ELAPOR2: variants seen among roughly 807,000 people sequenced by gnomAD.
ELAPOR2 encodes the protein endosome/lysosome-associated apoptosis and autophagy regulator family member 2.
In ELAPOR2, 89 loss-of-function variants were observed where a neutral mutation model predicts 120.7. That is an observed-to-expected ratio of 0.74 (90% CI 0.62 to 0.88). ELAPOR2 has a LOEUF of 0.88. Among genes scored for constraint, ELAPOR2 ranks in the 40% least tolerant of loss-of-function variants. ELAPOR2 has a pLI of 0.00. For missense variants in ELAPOR2, 1,134 were observed against 1,251.6 expected, an observed-to-expected ratio of 0.91 and a Z score of 1.42; for synonymous variants, 444 against 444.9, an observed-to-expected ratio of 1.00 and a Z score of 0.03.
chr7:86,918,106 T>C (rs1044017646), intron 12 of ELAPOR2, among the ~76,000 whole-genome samples: 29 of 152,108 alleles, frequency 1.9e-4, no homozygotes, highest in African/African-American at 7.0e-4. Flanking sequence ...AATAGCTGAA[T>C]GGTTATCAGG....
At chr7:86,919,499 C>A (rs1789725278) in intron 10 of ELAPOR2, among the ~76,000 whole-genome samples, 189 bp from the exon 11 acceptor site, 1 of 152,000 alleles carries the variant, frequency 6.6e-6, no homozygotes, top group Non-Finnish European at 1.5e-5. Context: ...CAAGAGGAAC[C>A]AAGCAATGCA....
chr7:87,051,762 A>T (rs11761343), intron 1 of ELAPOR2, among the ~76,000 whole-genome samples: 86,462 of 152,090 alleles, frequency 0.57, 25,267 homozygotes, highest in East Asian at 0.76. Flanking sequence ...AGTAGCAAAC[A>T]TTGGAAAACA....
At chr7:86,962,133 C>A (rs552139580) in intron 2 of ELAPOR2, among the ~76,000 whole-genome samples, 2 of 152,154 alleles carry the variant, frequency 1.3e-5, no homozygotes, top group Non-Finnish European at 2.9e-5. Context: ...AGCCTTGCAG[C>A]CAGATCTTAT....
chr7:86,912,906 T>C, intron 14 of ELAPOR2, 35 bp downstream of exon 14: 1 of 1,604,120 alleles, frequency 6.2e-7, no homozygotes, highest in African/African-American at 1.3e-5. Flanking sequence ...TAAAATGTGC[T>C]TTCATGGGGA....
At chr7:86,980,666 C>A (rs1272104040) in intron 1 of ELAPOR2, among the ~76,000 whole-genome samples, 1 of 152,074 alleles carries the variant, frequency 6.6e-6, no homozygotes, top group Non-Finnish European at 1.5e-5. Context: ...AGCATGCCTC[C>A]TTCCTGTGGG....
intron 9 of ELAPOR2, among the ~76,000 whole-genome samples, chr7:86,926,068 G>T (rs903794861): frequency 6.6e-6 from 1 of 151,862 alleles, no homozygotes; most frequent in Non-Finnish European, 1.5e-5. Context: ...TCTTCCTATT[G>T]GTTATTCAAC....
chr7:86,912,164 T>C lies in ELAPOR2; in HGVS notation c.2077A>G (p.Ser693Gly). The C allele has an allele frequency of 1.2e-6, 2 of 1,612,934 alleles. No individual in the cohort carries two copies. The highest frequency in any genetic ancestry group is 1.1e-5 in the South Asian group (1 of 91,020). Reference sequence around the variant, plus strand: ...CCATTCATTAATGAGCCCACACTGCTGAGGTTGCTAAAGTCATAGTGCAAA... The same window carrying C: ...CCATTCATTAATGAGCCCACACTGCCGAGGTTGCTAAAGTCATAGTGCAAA... ...QSLHYDFSNLSSVGSLMNGPS... is the reference protein window; with the variant it reads ...QSLHYDFSNLGSVGSLMNGPS... Residue 693 changes from serine (S) to glycine (G), a missense_variant, in exon 15 of 22, where the codon AGC becomes GGC. Coordinates refer to ENST00000450689, the MANE Select transcript of ELAPOR2 (RefSeq NM_001142749.3).
chr7:86,892,982 C>T lies in ELAPOR2; in HGVS notation c.2804G>A (p.Gly935Glu). The T allele has an allele frequency of 6.4e-7, 1 of 1,574,486 alleles. No homozygotes were observed. The highest frequency in any genetic ancestry group is 8.6e-7 in the Non-Finnish European group (1 of 1,167,502). ...CACCAGCAAAACGGCAGTAAAAGCTCCCACACCGGCTCCCACCTTCAGCCA... is the reference window on the plus strand; with the variant it reads ...CACCAGCAAAACGGCAGTAAAAGCTTCCACACCGGCTCCCACCTTCAGCCA... ...DFWLKVGAGV[G>E]AFTAVLLVAL... The change falls in exon 20 of 22, where the codon GGA becomes GAA. Residue 935 changes from glycine (G) to glutamate (E), a missense_variant. This residue lies in a region of ELAPOR2 where 831 missense variants were observed against 867.6 expected (regional missense o/e 0.96). Coordinates refer to ENST00000450689, the MANE Select transcript of ELAPOR2 (RefSeq NM_001142749.3).
In ELAPOR2 at chr7:86,879,776, T is replaced by A. The variant is rs1170346218; in HGVS notation, c.*695A>T. 1 of 152,208 alleles carries A rather than the reference T, an allele frequency of 6.6e-6. No individual in the cohort carries two copies. Among genetic ancestry groups the A allele is most frequent in the African/African-American group, 2.4e-5 (1 of 41,450 alleles). 9.4% of individuals were successfully genotyped at this position (152,208 alleles called of 1,614,324 possible). ...AGGGCTTCTCGTTACCTTTCTTACT[T>A]TTTTGTTTTTTAGATTCCTTCAAAC... On this transcript the variant is annotated 3_prime_UTR_variant, in exon 22 of 22. Transcript: ENST00000450689.
At chr7:87,010,137 G>A (rs947622101) in intron 1 of ELAPOR2, among the ~76,000 whole-genome samples, 1 of 152,180 alleles carries the variant, frequency 6.6e-6, no homozygotes, top group Non-Finnish European at 1.5e-5. Flanking sequence ...CAAAGCTTCA[G>A]TCTACAACTG....
In ELAPOR2 at chr7:86,891,781, T is replaced by C; in HGVS notation, c.2973A>G (p.Glu991=). ...AIMEGEDNEE[E]VVYSNKQSLL... ...GTGACTGTTTATTGGAATATACAAC[T>C]TCCTCTTCATTATCTTCTCCTTCCA... The change falls in exon 21 of 22, where the codon GAA becomes GAG. Residue 991 remains glutamate (E), a synonymous_variant. Transcript: ENST00000450689. 6.2e-7 allele frequency: 1 copy of C among 1,612,172 alleles called. No homozygotes were observed. Among genetic ancestry groups the C allele is most frequent in the South Asian group, 1.1e-5 (1 of 90,978 alleles).
chr7:87,019,446 G>A (rs144615560), intron 1 of ELAPOR2, among the ~76,000 whole-genome samples: 57 of 152,276 alleles, frequency 3.7e-4, no homozygotes, highest in African/African-American at 1.3e-3. Context: ...TTAAAGGAAT[G>A]AGCCACGATG....
intron 21 of ELAPOR2, among the ~76,000 whole-genome samples, chr7:86,888,256 T>C (rs936586173): frequency 1.3e-5 from 2 of 152,090 alleles, no homozygotes; most frequent in Admixed American, 1.3e-4. Context: ...TGCACATGAA[T>C]GTTCTGGATA....
chr7:86,890,566 G>T (rs1788097070), intron 21 of ELAPOR2, among the ~76,000 whole-genome samples: 1 of 151,944 alleles, frequency 6.6e-6, no homozygotes, highest in South Asian at 2.1e-4. Flanking sequence ...CTGGTATAAA[G>T]GTTATTACTC....
chr7:86,880,299 G>C lies in ELAPOR2; in HGVS notation c.*172C>G. ...CTTTCCTTTATTTGGCAAGGTACTT[G>C]ACCATGTGATAAGGCAATCAAATGT... On this transcript the variant is annotated 3_prime_UTR_variant, in exon 22 of 22. Transcript: ENST00000450689. The C allele has an allele frequency of 1.6e-6, 1 of 644,752 alleles. No homozygotes were observed. The highest frequency in any genetic ancestry group is 2.8e-6 in the Non-Finnish European group (1 of 363,012). 39.9% of individuals were successfully genotyped at this position (644,752 alleles called of 1,614,324 possible).
At chr7:87,044,652 C>T (rs191671477) in intron 1 of ELAPOR2, among the ~76,000 whole-genome samples, 2 of 152,076 alleles carry the variant, frequency 1.3e-5, no homozygotes, top group Admixed American at 1.3e-4. Flanking sequence ...ACCATAAAAA[C>T]CCTAGAAGAA....
At position 86,913,033 on chromosome 7, in the gene ELAPOR2, T is replaced by A; in HGVS notation, c.1903A>T (p.Lys635Ter). 1 of 1,614,102 alleles carries A rather than the reference T, an allele frequency of 6.2e-7. No individual in the cohort carries two copies. Among genetic ancestry groups the A allele is most frequent in the Non-Finnish European group, 8.5e-7 (1 of 1,180,008 alleles). ...AGGTAGGTGTCAGGTGGACATTCCT[T>A]GCACTGGTTGGTTTCTTTCTCAATG... is the stretch of plus-strand genomic sequence containing the variant. ...HYIEKETNQCKECPPDTYLSI... is the reference protein window; with the variant it reads ...HYIEKETNQC The change falls in exon 14 of 22, where the codon AAG becomes TAG. Residue 635 changes from lysine to a stop codon, truncating the protein, a stop_gained. Transcript: ENST00000450689. LOFTEE classifies it high-confidence loss of function.
At chr7:86,988,310 G>T (rs759387439) in intron 1 of ELAPOR2, among the ~76,000 whole-genome samples, 1 of 152,108 alleles carries the variant, frequency 6.6e-6, no homozygotes, top group Non-Finnish European at 1.5e-5. Flanking sequence ...AAGCCTGCAC[G>T]TTGTGCACAT....
intron 1 of ELAPOR2, among the ~76,000 whole-genome samples, chr7:87,015,309 G>A (rs573428894): frequency 3.9e-5 from 6 of 152,238 alleles, no homozygotes; most frequent in South Asian, 4.1e-4. Context: ...TCTAAAGGTC[G>A]TTTCTTATTG....
Sources: allele counts gnomAD v4.1 joint callset (sites outside exome capture counted in the v4.1 genomes callset), GRCh38; gene constraint gnomAD v4.1.1; regional missense constraint gnomAD v4.1.1; transcripts MANE v1.5; gene names NCBI Gene and HGNC (gene_info 2026-07-23, HGNC 2026-07-21).